ZZEF1: variants seen among roughly 807,000 people sequenced by gnomAD.
ZZEF1 encodes the protein zinc finger ZZ-type and EF-hand domain containing 1.
ZZEF1 carries 157 observed loss-of-function variants against 342.8 expected under a neutral mutation model. The ratio of observed to expected loss-of-function variants is 0.46; its 90% confidence interval spans 0.40 to 0.52. ZZEF1 has a LOEUF of 0.52. Ranked by LOEUF, ZZEF1 falls within the 20% of genes least tolerant of loss-of-function variation. The probability of loss-of-function intolerance (pLI) is 0.00; values close to 1 mark genes in which losing one functional copy is unlikely to be tolerated. For missense variants in ZZEF1, 3,480 were observed against 3,725.6 expected (o/e 0.93, Z 1.72); for synonymous variants, 1,505 against 1,429.1 (o/e 1.05, Z -1.20).
At chr17:4,060,661 C>A (rs746671508) in intron 30 of ZZEF1, among the ~76,000 whole-genome samples, 2 of 151,878 alleles carry the variant, frequency 1.3e-5, no homozygotes, top group Non-Finnish European at 2.9e-5. Context: ...CCACCACTAC[C>A]TCCTTCTCAT....
At chr17:4,033,039 G>T in intron 40 of ZZEF1, 37 bp from the exon 41 acceptor site, 2 of 1,530,208 alleles carry the variant, frequency 1.3e-6, no homozygotes. Flanking sequence ...CAGTACACAG[G>T]GCTCCAAACT....
intron 11 of ZZEF1, among the ~76,000 whole-genome samples, chr17:4,092,300 T>TTA (rs891485758): frequency 1.4e-3 from 6 of 4,252 alleles, no homozygotes; most frequent in Non-Finnish European, 0.012. Context: ...AACATGTCCC[T>TTA]TTTTTTTTTT....
intron 39 of ZZEF1, among the ~76,000 whole-genome samples, chr17:4,038,979 CTCTA>C (rs768724556): frequency 2.6e-5 from 4 of 152,044 alleles, no homozygotes; most frequent in Non-Finnish European, 5.9e-5. Context: ...CCTTATAGGA[CTCTA>C]TCTAGGCAGT....
At chr17:4,070,400 G>C (rs17176079) in intron 26 of ZZEF1, among the ~76,000 whole-genome samples, 9,088 of 152,160 alleles carry the variant, frequency 0.06, 403 homozygotes, top group South Asian at 0.12. Flanking sequence ...CCAAGTTAAG[G>C]TTTCTTTCCA....
chr17:4,092,300 T>C (rs887489924), intron 11 of ZZEF1, among the ~76,000 whole-genome samples: 407 of 4,254 alleles, frequency 0.096, 2 homozygotes, highest in African/African-American at 0.13. Context: ...AACATGTCCC[T>C]TTTTTTTTTT....
At chr17:4,126,324 G>A (rs7220192) in intron 1 of ZZEF1, among the ~76,000 whole-genome samples, 143,823 of 152,076 alleles carry the variant, frequency 0.95, 68,564 homozygotes, top group East Asian at 1. Context: ...ACCAGTCATC[G>A]GGAGTACTCA....
chr17:4,076,595 TGA>T, intron 21 of ZZEF1, 40 bp downstream of exon 21: 1 of 1,586,718 alleles, frequency 6.3e-7, no homozygotes, highest in South Asian at 1.1e-5. Flanking sequence ...CCATCACTCC[TGA>T]GAGAGAACAC....
At chr17:4,140,292 GGA>G (rs2058821989) in intron 1 of ZZEF1, among the ~76,000 whole-genome samples, 1 of 152,144 alleles carries the variant, frequency 6.6e-6, no homozygotes, top group Non-Finnish European at 1.5e-5. Context: ...GAACTTTTGT[GGA>G]TACAATTTCC....
chr17:4,020,011 A>C, intron 45 of ZZEF1: 2 of 402,286 alleles, frequency 5.0e-6, no homozygotes, highest in Non-Finnish European at 4.4e-6. Context: ...CCAAAGAAAT[A>C]TCCTGTCAAC....
rs2058894903 is a variant in ZZEF1 at position 4,142,969 on chromosome 17, C to CA, written c.-75dup. The CA allele has an allele frequency of 7.9e-7, 1 of 1,273,798 alleles. No homozygotes were observed. The highest frequency in any genetic ancestry group is 4.2e-5 in the Admixed American group (1 of 23,722). 78.9% of individuals were successfully genotyped at this position (1,273,798 alleles called of 1,614,324 possible). A position where few individuals can be genotyped will look rare whatever the true frequency, so the allele number is the denominator to read the frequency against. ...CCCGCCTCGACCTGTCAACCTCCGA[C>CA]AGCAGCTGGCGGGCGGGGACGCGGA... On this transcript the variant is annotated 5_prime_UTR_variant, in exon 1 of 55. Coordinates refer to ENST00000381638, the MANE Select transcript of ZZEF1 (RefSeq NM_015113.4).
At chr17:4,023,167 G>C (rs2056314409) in intron 43 of ZZEF1, among the ~76,000 whole-genome samples, 1 of 152,154 alleles carries the variant, frequency 6.6e-6, no homozygotes, top group Admixed American at 6.5e-5. Context: ...TTGAGGCCTG[G>C]AGCTTGCTAC....
At chr17:4,083,634 T>G (rs868625564) in intron 16 of ZZEF1, among the ~76,000 whole-genome samples, 1 of 133,576 alleles carries the variant, frequency 7.5e-6, no homozygotes, top group Non-Finnish European at 1.6e-5. Context: ...TATGCTTTTG[T>G]TCCTTTTTTT....
At chr17:4,047,696 A>G (rs1177656724) in intron 37 of ZZEF1, among the ~76,000 whole-genome samples, 6 of 150,364 alleles carry the variant, frequency 4.0e-5, no homozygotes. Context: ...TAATCCCAGC[A>G]CTTTGGGAGG....
intron 39 of ZZEF1, among the ~76,000 whole-genome samples, chr17:4,038,580 G>A (rs2056727862): frequency 6.6e-6 from 1 of 151,962 alleles, no homozygotes; most frequent in Non-Finnish European, 1.5e-5. Flanking sequence ...CGAGGTGGGT[G>A]GATCACTGGA....
At chr17:4,129,932 T>C (rs1007012540) in intron 1 of ZZEF1, among the ~76,000 whole-genome samples, 1 of 152,196 alleles carries the variant, frequency 6.6e-6, no homozygotes, top group African/African-American at 2.4e-5. Flanking sequence ...AAATACTGCA[T>C]GTTCTCACTT....
chr17:4,006,865 A>T lies in ZZEF1; in HGVS notation c.*25T>A, dbSNP rs1362192274. On this transcript the variant is annotated 3_prime_UTR_variant, in exon 55 of 55. Transcript: ENST00000381638. ...CTAAAATCCCTGTGGCAGATGAACTAGTCCCATGCACGCCCCACCAAGGGC... is the reference window on the plus strand; with the variant it reads ...CTAAAATCCCTGTGGCAGATGAACTTGTCCCATGCACGCCCCACCAAGGGC... 1 of 1,564,218 alleles carries T rather than the reference A, an allele frequency of 6.4e-7. No individual in the cohort carries two copies. The highest frequency in any genetic ancestry group is 8.7e-7 in the Non-Finnish European group (1 of 1,152,790).
chr17:4,060,563 A>AAC (rs2057263425), intron 30 of ZZEF1, among the ~76,000 whole-genome samples: 1 of 149,908 alleles, frequency 6.7e-6, no homozygotes, highest in Non-Finnish European at 1.5e-5. Context: ...ACAAAAAAAC[A>AAC]AACAACAACA....
chr17:4,037,209 C>G (rs1403694317), intron 39 of ZZEF1, among the ~76,000 whole-genome samples: 1 of 152,188 alleles, frequency 6.6e-6, no homozygotes, highest in Admixed American at 6.5e-5. Context: ...GTTTCAAAGA[C>G]TCTCCCCACT....
chr17:4,008,441 T>C lies in ZZEF1; in HGVS notation c.8805+442A>G, dbSNP rs573158228. The C allele has an allele frequency of 1.1e-5, 8 of 704,224 alleles. No individual in the cohort carries two copies. The South Asian group carries it at 4.5e-4, about 40-fold the overall frequency. The allele number at this position is 704,224 out of a possible 1,614,324, so 43.6% of individuals were successfully genotyped here. On this transcript the variant is annotated intron_variant, in intron 54 of 54. Coordinates refer to ENST00000381638, the MANE Select transcript of ZZEF1 (RefSeq NM_015113.4). The surrounding 1 kb of genome is among the most constrained non-coding windows in gnomAD (Gnocchi z 4.2). The stretch of plus-strand genomic sequence containing the variant: ...TGAAAATCTCGTTTCTAATGGCACA[T>C]ATGGATATATGCATAATAGACATAT...
Sources: gnomAD v4.1 joint callset for allele counts (sites outside exome capture counted in the v4.1 genomes callset) on GRCh38, gnomAD v4.1.1 for gene constraint, Gnocchi (gnomAD v3.1) non-coding constraint, MANE v1.5 for transcripts, NCBI Gene and HGNC (gene_info 2026-07-23, HGNC 2026-07-21) for gene names.